ANKRD27: variants seen among roughly 807,000 people sequenced by gnomAD.
The protein encoded by ANKRD27 is ankyrin repeat domain 27.
Under a neutral mutation model 129.7 loss-of-function variants are expected in ANKRD27, and 112 were observed. The observed-to-expected ratio is 0.86, with a 90% CI of 0.74 to 1.01. The LOEUF is 1.01. ANKRD27 is among the 50% of genes least tolerant of loss of function. ANKRD27 has a pLI of 0.00. For missense variants in ANKRD27, 1,258 were observed against 1,300.5 expected, an observed-to-expected ratio of 0.97 and a Z score of 0.50; for synonymous variants, 516 against 511.2, an observed-to-expected ratio of 1.01 and a Z score of -0.13.
At chr19:32,655,606 C>T (rs1967503348) in intron 2 of ANKRD27, among the ~76,000 whole-genome samples, 1 of 152,214 alleles carries the variant, frequency 6.6e-6, no homozygotes. Context: ...GTTGGCCAGG[C>T]ATGGTGGCTC....
At chr19:32,649,113 C>T (rs532863578) in intron 3 of ANKRD27, among the ~76,000 whole-genome samples, 3 of 151,770 alleles carry the variant, frequency 2.0e-5, no homozygotes, top group South Asian at 2.1e-4. Flanking sequence ...ACTAGAAGCA[C>T]GCACCATCAC....
chr19:32,631,715 G>A (rs1378675051), intron 12 of ANKRD27, among the ~76,000 whole-genome samples: 1 of 152,250 alleles, frequency 6.6e-6, no homozygotes, highest in Non-Finnish European at 1.5e-5. Context: ...TGTGGGGGAT[G>A]GGGATGGTGG....
rs551551963 is a variant in ANKRD27, at chr19:32,619,299, G to A, written c.1968C>T (p.Ala656=). The A allele has an allele frequency of 1.4e-5, 22 of 1,613,622 alleles. 1 individual carries two copies. In the African/African-American group the frequency reaches 1.6e-4, roughly 12 times the overall value. ...SSTSSFSSMS[A]SSRQEETKKD... is the part of the protein sequence containing the mutation. The stretch of plus-strand genomic sequence containing the variant: ...TCTTGGTCTCCTCCTGCCTTGAGCT[G>A]GCTGACATGGAGGAGAAGCTGGAAG... Residue 656 remains alanine (A), a synonymous_variant, in exon 20 of 29, where the codon GCC becomes GCT. Transcript: ENST00000306065.
intron 22 of ANKRD27, among the ~76,000 whole-genome samples, chr19:32,615,244 C>T (rs925115965): frequency 6.6e-6 from 1 of 152,166 alleles, no homozygotes. Context: ...ACATGCAGTA[C>T]AGTAATTATC....
chr19:32,625,363 G>A (rs927855616), intron 17 of ANKRD27, among the ~76,000 whole-genome samples: 2 of 152,020 alleles, frequency 1.3e-5, no homozygotes, highest in Non-Finnish European at 2.9e-5. Flanking sequence ...TTTGACTTCA[G>A]GATAAGATAA....
Position 32,619,279 on chromosome 19 carries a change from G to A in ANKRD27, c.1988C>T (p.Thr663Ile). 1.2e-6 allele frequency: 2 copies of A among 1,613,622 alleles called. No individual in the cohort carries two copies. The highest frequency in any genetic ancestry group is 1.1e-5 in the South Asian group (1 of 91,048). ...SMSASSRQEE[T>I]KKDYREVEKL... ...CCTCACCTCTCTGTAGTCCTTCTTGGTCTCCTCCTGCCTTGAGCTGGCTGA... is the reference window on the plus strand; with the variant it reads ...CCTCACCTCTCTGTAGTCCTTCTTGATCTCCTCCTGCCTTGAGCTGGCTGA... The change falls in exon 20 of 29, where the codon ACC (threonine) becomes ATC (isoleucine). Residue 663 changes from threonine (T) to isoleucine (I), a missense_variant. Thr to Ile is a moderately conservative substitution (Grantham distance 89, BLOSUM62 -1). Coordinates refer to ENST00000306065, the MANE Select transcript of ANKRD27 (RefSeq NM_032139.3).
At chr19:32,659,323 C>T (rs1487162294) in intron 1 of ANKRD27, among the ~76,000 whole-genome samples, 1 of 152,048 alleles carries the variant, frequency 6.6e-6, no homozygotes, top group Non-Finnish European at 1.5e-5. Context: ...AGCAGGTGAT[C>T]TGCCCGCCTC....
Position 32,643,476 on chromosome 19 carries a change from G to C in ANKRD27, c.594C>G (p.Leu198=). 6.2e-7 allele frequency: 1 copy of C among 1,613,690 alleles called. No individual in the cohort carries two copies. The highest frequency in any genetic ancestry group is 1.1e-5 in the South Asian group (1 of 91,048). ...GGTTCATCTGGGCCTCCTGCTTGGC[G>C]AGCATTTTCTAGAGGGCAAGAAAAG... ...QLLRDSHLKM[L]AKQEAQMNLM... The change falls in exon 7 of 29, where the codon CTC becomes CTG. Residue 198 remains leucine (L), a synonymous_variant. Coordinates refer to ENST00000306065, the MANE Select transcript of ANKRD27 (RefSeq NM_032139.3).
At chr19:32,630,784 C>T (rs1966979161) in intron 13 of ANKRD27, among the ~76,000 whole-genome samples, 1 of 152,144 alleles carries the variant, frequency 6.6e-6, no homozygotes, top group African/African-American at 2.4e-5. Flanking sequence ...GTGCCCGCCA[C>T]CACACCTGGC....
intron 21 of ANKRD27, 39 bp from the exon 22 acceptor site, chr19:32,615,819 A>G: frequency 6.3e-7 from 1 of 1,599,614 alleles, no homozygotes; most frequent in Non-Finnish European, 8.5e-7. Context: ...ACACATCCTC[A>G]GCGTCTTTGC....
intron 1 of ANKRD27, chr19:32,673,124 C>G (rs1350340137): frequency 1.2e-5 from 2 of 163,776 alleles, no homozygotes; most frequent in African/African-American, 4.8e-5. Flanking sequence ...CAAAGAGGCA[C>G]AACGGAGACC....
chr19:32,610,139 G>T (rs545820872), intron 22 of ANKRD27, among the ~76,000 whole-genome samples: 2 of 152,046 alleles, frequency 1.3e-5, no homozygotes, highest in Non-Finnish European at 2.9e-5. Flanking sequence ...GTGAAACTCC[G>T]TCTCTACTAA....
At chr19:32,628,001 C>A (rs940433666) in intron 15 of ANKRD27, 82 bp downstream of exon 15, 1 of 1,303,704 alleles carries the variant, frequency 7.7e-7, no homozygotes, top group African/African-American at 1.5e-5. Flanking sequence ...CCCAGCCCAT[C>A]AGCCAGGCCT....
chr19:32,601,028 G>A (rs1334511894), intron 26 of ANKRD27, among the ~76,000 whole-genome samples: 1 of 152,178 alleles, frequency 6.6e-6, no homozygotes, highest in Non-Finnish European at 1.5e-5. Context: ...GCCAGGCGCG[G>A]TGGCTCACAC....
At chr19:32,638,427 A>G (rs183659298) in intron 12 of ANKRD27, 22 of 152,276 alleles carry the variant, frequency 1.4e-4, no homozygotes, top group African/African-American at 5.3e-4. Flanking sequence ...CTCACCCTCC[A>G]CTAGTCTACG....
At chr19:32,604,506 T>C (rs1971701538) in intron 24 of ANKRD27, 82 bp from the exon 25 acceptor site, 1 of 1,310,894 alleles carries the variant, frequency 7.6e-7, no homozygotes, top group East Asian at 2.5e-5. Flanking sequence ...AGGTATTCGC[T>C]ATAAAACACA....
intron 2 of ANKRD27, among the ~76,000 whole-genome samples, chr19:32,657,419 G>A (rs1238706541): frequency 2.0e-5 from 3 of 150,166 alleles, no homozygotes; most frequent in Admixed American, 6.6e-5. Context: ...TCGAGATTGC[G>A]CCACTGCACT....
At chr19:32,599,205 C>T (rs1220214315) in intron 28 of ANKRD27, among the ~76,000 whole-genome samples, 7 of 152,110 alleles carry the variant, frequency 4.6e-5, no homozygotes, top group African/African-American at 1.2e-4. Flanking sequence ...TGCTTGAACC[C>T]GGGAGGTGGA....
chr19:32,611,990 C>T (rs751816354), intron 22 of ANKRD27, among the ~76,000 whole-genome samples: 1 of 152,232 alleles, frequency 6.6e-6, no homozygotes, highest in African/African-American at 2.4e-5. Flanking sequence ...CCTCTAACCT[C>T]GGCCTCCCAA....
Sources: allele counts gnomAD v4.1 joint callset (sites outside exome capture counted in the v4.1 genomes callset), GRCh38; gene constraint gnomAD v4.1.1; transcripts MANE v1.5; gene names NCBI Gene and HGNC (gene_info 2026-07-23, HGNC 2026-07-21).